LRRTM4: variants seen among roughly 807,000 people sequenced by gnomAD.
The protein encoded by LRRTM4 is leucine-rich repeat transmembrane neuronal protein 4.
In LRRTM4, 25 loss-of-function variants were observed where a neutral mutation model predicts 47.6. The ratio of observed to expected loss-of-function variants is 0.53; its 90% confidence interval spans 0.38 to 0.73. The LOEUF (loss-of-function observed/expected upper bound fraction) is 0.73. Among genes scored for constraint, LRRTM4 ranks in the 30% least tolerant of loss-of-function variants. The pLI is 0.00. For synonymous variants in LRRTM4, 311 were observed against 269.5 expected (o/e 1.15, Z -1.51); for missense variants, 638 against 713.4 (o/e 0.89, Z 1.20).
intron 3 of LRRTM4, among the ~76,000 whole-genome samples, chr2:76,987,031 T>C (rs1676822395): frequency 6.6e-6 from 1 of 151,962 alleles, no homozygotes. Context: ...ATTCTTTTAT[T>C]TATTTTTTAG....
Position 76,802,794 on chromosome 2 carries a change from C to T in LRRTM4, c.1552-53878G>A, listed in dbSNP as rs555640724. 1.5e-4 allele frequency among the ~76,000 whole-genome samples: 23 copies of T among 152,142 alleles called. No individual in the cohort carries two copies. In the South Asian group the frequency reaches 4.8e-3, roughly 32 times the overall value. On this transcript the variant is annotated intron_variant, in intron 3 of 3. Transcript: ENST00000409884. ...TAGGATAGAGAACTCAGAAATACAT[C>T]CACATATTTACAGTCAATTGGTTTT...
chr2:76,970,019 C>G (rs1361312642), intron 3 of LRRTM4, among the ~76,000 whole-genome samples: 3 of 151,936 alleles, frequency 2.0e-5, no homozygotes, highest in African/African-American at 7.2e-5. Context: ...CATGGCCCCA[C>G]TCACTTATTT....
intron 3 of LRRTM4, among the ~76,000 whole-genome samples, chr2:76,958,606 T>C (rs952608294): frequency 2.0e-5 from 3 of 151,738 alleles, no homozygotes; most frequent in Admixed American, 6.6e-5. Context: ...CTATCTCTCA[T>C]GTGCAGATTC....
intron 3 of LRRTM4, among the ~76,000 whole-genome samples, chr2:76,760,200 G>C (rs996102297): frequency 2.0e-5 from 3 of 152,078 alleles, no homozygotes; most frequent in Non-Finnish European, 4.4e-5. Context: ...ATTAAAACAG[G>C]ACATCTAGAA....
At chr2:76,835,386 T>C (rs918018404) in intron 3 of LRRTM4, among the ~76,000 whole-genome samples, 26 of 152,082 alleles carry the variant, frequency 1.7e-4, no homozygotes, top group African/African-American at 6.0e-4. Context: ...AAATACAACT[T>C]TAGTTTATCT....
chr2:77,139,390 T>A (rs555841069), intron 3 of LRRTM4, among the ~76,000 whole-genome samples: 3 of 152,156 alleles, frequency 2.0e-5, no homozygotes, highest in Non-Finnish European at 4.4e-5. Flanking sequence ...ATTATCTCAA[T>A]AGATGCGGAA....
At chr2:76,784,554 A>T (rs531158447) in intron 3 of LRRTM4, among the ~76,000 whole-genome samples, 18 of 152,054 alleles carry the variant, frequency 1.2e-4, no homozygotes, top group Non-Finnish European at 2.7e-4. Flanking sequence ...TTCCCACATA[A>T]AGTAAATAAA....
intron 3 of LRRTM4, among the ~76,000 whole-genome samples, chr2:76,862,788 A>T (rs1372000475): frequency 6.6e-6 from 1 of 152,208 alleles, no homozygotes; most frequent in African/African-American, 2.4e-5. Context: ...TATCTTATTC[A>T]CATATATTTG....
intron 3 of LRRTM4, among the ~76,000 whole-genome samples, chr2:77,330,202 G>A (rs950126772): frequency 1.3e-5 from 2 of 152,128 alleles, no homozygotes; most frequent in African/African-American, 4.8e-5. Context: ...CAGGACTGTA[G>A]GTGGGGAGAC....
chr2:77,130,922 C>T (rs1194921677), intron 3 of LRRTM4, among the ~76,000 whole-genome samples: 1 of 135,770 alleles, frequency 7.4e-6, no homozygotes, highest in African/African-American at 2.8e-5. Flanking sequence ...GCAAGCTCCG[C>T]CTCCCGGGTT....
chr2:77,223,307 G>A (rs944734936), intron 3 of LRRTM4, among the ~76,000 whole-genome samples: 7 of 152,160 alleles, frequency 4.6e-5, no homozygotes, highest in African/African-American at 1.2e-4. Context: ...ACAAGACAGG[G>A]ATGGCCTCTC....
intron 3 of LRRTM4, among the ~76,000 whole-genome samples, chr2:77,040,293 A>T (rs1246564898): frequency 1.3e-5 from 2 of 151,498 alleles, no homozygotes; most frequent in Admixed American, 1.3e-4. Flanking sequence ...TGCAAATTAC[A>T]GCTCATCATT....
At chr2:77,361,838 A>T (rs530432178) in intron 3 of LRRTM4, among the ~76,000 whole-genome samples, 1 of 152,180 alleles carries the variant, frequency 6.6e-6, no homozygotes, top group Admixed American at 6.5e-5. Context: ...CAGGTGACAA[A>T]TCTGAGATTC....
intron 3 of LRRTM4, among the ~76,000 whole-genome samples, chr2:77,180,782 C>G (rs1673326021): frequency 6.6e-6 from 1 of 152,012 alleles, no homozygotes; most frequent in African/African-American, 2.4e-5. Context: ...GAAAGAGATA[C>G]CACAAAAACA....
intron 3 of LRRTM4, among the ~76,000 whole-genome samples, chr2:77,097,036 A>C (rs1670830889): frequency 1.3e-5 from 2 of 152,058 alleles, no homozygotes; most frequent in Admixed American, 1.3e-4. Context: ...TTGAAAGCAA[A>C]GGAAAAATAC....
intron 3 of LRRTM4, among the ~76,000 whole-genome samples, chr2:77,333,578 G>A (rs564767957): frequency 1.3e-5 from 2 of 152,164 alleles, no homozygotes; most frequent in Admixed American, 1.3e-4. Context: ...GAGACTGTGG[G>A]TGCAGAGAAG....
intron 3 of LRRTM4, among the ~76,000 whole-genome samples, chr2:77,216,591 A>G (rs547966208): frequency 6.6e-6 from 1 of 152,298 alleles, no homozygotes; most frequent in East Asian, 1.9e-4. Context: ...ATTTATAAGT[A>G]GCAATATTTA....
intron 3 of LRRTM4, among the ~76,000 whole-genome samples, chr2:77,455,938 T>C (rs1174328114): frequency 6.6e-6 from 1 of 152,152 alleles, no homozygotes; most frequent in Non-Finnish European, 1.5e-5. Flanking sequence ...CCACTGGTTT[T>C]TATCCATTTT....
intron 3 of LRRTM4, among the ~76,000 whole-genome samples, chr2:77,382,934 C>A (rs1336300791): frequency 6.6e-6 from 1 of 152,184 alleles, no homozygotes; most frequent in Non-Finnish European, 1.5e-5. Flanking sequence ...GAGTGGAGCA[C>A]TGAAATAATC....
Sources: gnomAD v4.1 joint callset for allele counts (sites outside exome capture counted in the v4.1 genomes callset) on GRCh38, gnomAD v4.1.1 for gene constraint, MANE v1.5 for transcripts, NCBI Gene and HGNC (gene_info 2026-07-23, HGNC 2026-07-21) for gene names.